Variants in GABRB1 observed in about 807,000 individuals in gnomAD.
GABRB1 encodes the protein gamma-aminobutyric acid receptor subunit beta-1.
GABRB1 carries 17 observed loss-of-function variants against 51.6 expected under a neutral mutation model. The observed-to-expected ratio is 0.33, with a 90% confidence interval of 0.23 to 0.49. The LOEUF is 0.49. Ranked by LOEUF, GABRB1 falls within the 20% of genes least tolerant of loss-of-function variation. The probability of loss-of-function intolerance (pLI) is 0.99; values close to 1 mark genes in which losing one functional copy is unlikely to be tolerated. For missense variants in GABRB1, 410 were observed against 600.6 expected, an observed-to-expected ratio of 0.68 and a Z score of 3.32; for synonymous variants, 247 against 218.9, an observed-to-expected ratio of 1.13 and a Z score of -1.14.
chr4:47,291,740 T>A (rs1164454438), intron 4 of GABRB1, among the ~76,000 whole-genome samples: 1 of 152,178 alleles, frequency 6.6e-6, no homozygotes, highest in African/African-American at 2.4e-5. Flanking sequence ...CTTGCTGGAT[T>A]TCAGACTTGC....
chr4:47,094,059 A>T (rs370437417), intron 3 of GABRB1, among the ~76,000 whole-genome samples: 51 of 151,796 alleles, frequency 3.4e-4, no homozygotes, highest in African/African-American at 1.1e-3. Context: ...GCAAGGAGGG[A>T]GTGATGTTCT....
At chr4:47,294,114 G>A (rs748094278) in intron 4 of GABRB1, among the ~76,000 whole-genome samples, 3 of 152,148 alleles carry the variant, frequency 2.0e-5, no homozygotes, top group Non-Finnish European at 4.4e-5. Context: ...AAATTATCTA[G>A]GTGGGGGGCA....
At chr4:47,378,332 C>T (rs893913283) in intron 5 of GABRB1, among the ~76,000 whole-genome samples, 1 of 152,196 alleles carries the variant, frequency 6.6e-6, no homozygotes, top group Non-Finnish European at 1.5e-5. Flanking sequence ...CCGGCAGGGC[C>T]GGCCGGCCGC....
intron 5 of GABRB1, among the ~76,000 whole-genome samples, chr4:47,352,314 C>A (rs1420145718): frequency 1.3e-5 from 2 of 152,134 alleles, no homozygotes; most frequent in Admixed American, 6.6e-5. Context: ...CAGATGGATT[C>A]ACAGCCGAAT....
At chr4:47,287,050 G>A (rs1027747209) in intron 4 of GABRB1, among the ~76,000 whole-genome samples, 29 of 152,156 alleles carry the variant, frequency 1.9e-4, no homozygotes, top group African/African-American at 6.5e-4. Context: ...TTGGCCCAGA[G>A]TATGTTCTGT....
intron 4 of GABRB1, among the ~76,000 whole-genome samples, chr4:47,316,323 A>G (rs1162005558): frequency 6.6e-6 from 1 of 151,904 alleles, no homozygotes; most frequent in Non-Finnish European, 1.5e-5. Context: ...TGTGCATTAG[A>G]ACATGCAATA....
Position 47,224,124 on chromosome 4 carries a change from T to C in GABRB1, c.461+62655T>C, listed in dbSNP as rs376044925. Among the ~76,000 whole-genome samples the C allele has an allele frequency of 3.2e-4, 49 of 151,924 alleles. 1 individual carries two copies. The South Asian group carries it at 7.1e-3, about 22-fold the overall frequency. ...ACCTGAGCTCTGTGCTCCCAGAAAA[T>C]AGAAAAGAATGAAAAGCCCTCTCAC... On this transcript the variant is annotated intron_variant, in intron 4 of 8. Coordinates refer to ENST00000295454, the MANE Select transcript of GABRB1 (RefSeq NM_000812.4).
intron 4 of GABRB1, among the ~76,000 whole-genome samples, chr4:47,197,916 A>G (rs1719750666): frequency 6.6e-6 from 1 of 152,220 alleles, no homozygotes; most frequent in Non-Finnish European, 1.5e-5. Context: ...TTATTAAAGC[A>G]TATTCTTCCC....
chr4:47,008,200 A>T (rs894576218), intron 1 of GABRB1, among the ~76,000 whole-genome samples: 9 of 152,120 alleles, frequency 5.9e-5, no homozygotes, highest in African/African-American at 2.2e-4. Context: ...GTCATTCATT[A>T]AATACAGAAT....
intron 4 of GABRB1, among the ~76,000 whole-genome samples, chr4:47,204,712 AG>A (rs992331367): frequency 5.9e-5 from 9 of 152,088 alleles, no homozygotes; most frequent in African/African-American, 2.2e-4. Flanking sequence ...TGCCTGCACA[AG>A]CTCTCTCTTT....
chr4:47,326,558 AC>A (rs1468191015), intron 5 of GABRB1, among the ~76,000 whole-genome samples: 8 of 152,216 alleles, frequency 5.3e-5, no homozygotes. Flanking sequence ...AGGGTTTGGT[AC>A]TATTTGCAAT....
At chr4:47,100,889 A>G (rs1714690311) in intron 3 of GABRB1, among the ~76,000 whole-genome samples, 1 of 151,918 alleles carries the variant, frequency 6.6e-6, no homozygotes, top group African/African-American at 2.4e-5. Context: ...TGCAAGAGAA[A>G]CCAGCTTTCT....
chr4:47,070,216 A>G (rs1727268540), intron 3 of GABRB1, among the ~76,000 whole-genome samples: 1 of 151,718 alleles, frequency 6.6e-6, no homozygotes, highest in African/African-American at 2.4e-5. Context: ...TTGTATTTTT[A>G]GTAGAGATGT....
At chr4:47,140,099 C>T (rs1437656956) in intron 3 of GABRB1, among the ~76,000 whole-genome samples, 3 of 34,120 alleles carry the variant, frequency 8.8e-5, no homozygotes, top group African/African-American at 1.3e-4. Flanking sequence ...AATTAACACA[C>T]ACACACACAC....
chr4:47,421,653 C>A (rs1172732960), intron 8 of GABRB1, among the ~76,000 whole-genome samples: 1 of 152,198 alleles, frequency 6.6e-6, no homozygotes, highest in Admixed American at 6.5e-5. Context: ...TTTCAACTCT[C>A]AATTTTTGTT....
chr4:47,370,204 A>G (rs1727138899), intron 5 of GABRB1, among the ~76,000 whole-genome samples: 2 of 152,208 alleles, frequency 1.3e-5, no homozygotes, highest in Non-Finnish European at 2.9e-5. Context: ...AGGCATTTTT[A>G]GTTTAAGAAA....
At chr4:47,332,024 T>G (rs1725504330) in intron 5 of GABRB1, among the ~76,000 whole-genome samples, 1 of 152,220 alleles carries the variant, frequency 6.6e-6, no homozygotes, top group Non-Finnish European at 1.5e-5. Flanking sequence ...TTAGGTGTAC[T>G]CTATCTGGAC....
At chr4:47,341,238 G>C (rs2109987354) in intron 5 of GABRB1, among the ~76,000 whole-genome samples, 1 of 152,186 alleles carries the variant, frequency 6.6e-6, no homozygotes, top group African/African-American at 2.4e-5. Flanking sequence ...ATAACCAACT[G>C]CAAAATCATT....
chr4:47,218,710 T>A (rs1273365109), intron 4 of GABRB1, among the ~76,000 whole-genome samples: 2 of 151,806 alleles, frequency 1.3e-5, no homozygotes, highest in Non-Finnish European at 3.0e-5. Context: ...GAGTGGCTAT[T>A]CCTTATTCAT....
Sources: gnomAD v4.1 joint callset for allele counts (sites outside exome capture counted in the v4.1 genomes callset) on GRCh38, gnomAD v4.1.1 for gene constraint, MANE v1.5 for transcripts, NCBI Gene and HGNC (gene_info 2026-07-23, HGNC 2026-07-21) for gene names.